Variants in DOCK8 observed in about 807,000 individuals in gnomAD.
DOCK8 encodes the protein dedicator of cytokinesis 8.
In DOCK8, 141 loss-of-function variants were observed where a neutral mutation model predicts 245.6. That is an observed-to-expected ratio of 0.57 (90% confidence interval 0.50 to 0.66). DOCK8 has a LOEUF of 0.66. DOCK8 is among the 30% of genes least tolerant of loss of function. The pLI is 0.00. For missense variants in DOCK8, 2,965 were observed against 2,603.4 expected, an observed-to-expected ratio of 1.14 and a Z score of -3.02; for synonymous variants, 1,168 against 970.2, an observed-to-expected ratio of 1.20 and a Z score of -3.79.
intron 26 of DOCK8, among the ~76,000 whole-genome samples, 188 bp from the exon 27 acceptor site, chr9:404,730 A>C (rs539137159): frequency 6.6e-5 from 10 of 152,234 alleles, no homozygotes; most frequent in Non-Finnish European, 1.0e-4. Context: ...ACTAAGGGGA[A>C]CAGTAATGAA....
intron 1 of DOCK8, chr9:268,330 A>G (rs1180687537): frequency 2.0e-5 from 3 of 152,238 alleles, no homozygotes; most frequent in Non-Finnish European, 2.9e-5. Context: ...CAAAGAGTCA[A>G]GAAAGAAGAT....
chr9:212,154 T>C (rs188144940), upstream of DOCK8, among the ~76,000 whole-genome samples: 23 of 152,282 alleles, frequency 1.5e-4, no homozygotes, highest in East Asian at 4.0e-3. Context: ...ATGGTTGCTA[T>C]GAATTAATTT....
intron 1 of DOCK8, among the ~76,000 whole-genome samples, chr9:239,904 T>C (rs2131407819): frequency 6.6e-6 from 1 of 152,342 alleles, no homozygotes; most frequent in East Asian, 1.9e-4. Flanking sequence ...CATTCCATTG[T>C]AAGGATACAG....
intron 1 of DOCK8, among the ~76,000 whole-genome samples, chr9:261,606 A>T (rs558900373): frequency 8.7e-4 from 133 of 152,208 alleles, no homozygotes; most frequent in Non-Finnish European, 1.3e-3. Flanking sequence ...TTTTCTGTAT[A>T]TGTCAATTAG....
chr9:301,181 T>G (rs1009907499), intron 4 of DOCK8, among the ~76,000 whole-genome samples: 29 of 152,250 alleles, frequency 1.9e-4, no homozygotes, highest in African/African-American at 6.3e-4. Context: ...GCGAGGTTGG[T>G]TCACCATACA....
chr9:397,214 T>G (rs2054502803), intron 25 of DOCK8, among the ~76,000 whole-genome samples: 1 of 151,104 alleles, frequency 6.6e-6, no homozygotes, highest in African/African-American at 2.4e-5. Flanking sequence ...TAGCTGAGCA[T>G]GGTTGTGCAT....
intron 41 of DOCK8, 24 bp downstream of exon 41, chr9:441,441 G>A (rs767680039): frequency 1.1e-5 from 18 of 1,614,040 alleles, no homozygotes; most frequent in Middle Eastern, 1.7e-4. Flanking sequence ...CTGGCTGGCA[G>A]GTCTTGTTAC....
chr9:267,372 A>C (rs1264765037), intron 1 of DOCK8, among the ~76,000 whole-genome samples: 1 of 151,962 alleles, frequency 6.6e-6, no homozygotes, highest in African/African-American at 2.4e-5. Flanking sequence ...TACCTGGCTA[A>C]TTTTTGTATT....
At chr9:315,680 T>C (rs2050312694) in intron 6 of DOCK8, among the ~76,000 whole-genome samples, 1 of 152,168 alleles carries the variant, frequency 6.6e-6, no homozygotes, top group South Asian at 2.1e-4. Context: ...AGTGGGTAAA[T>C]AGATGAAACC....
At chr9:393,605 C>A (rs555237625) in intron 24 of DOCK8, among the ~76,000 whole-genome samples, 11 of 152,300 alleles carry the variant, frequency 7.2e-5, no homozygotes, top group African/African-American at 2.6e-4. Context: ...ACTAGGGCTT[C>A]GTTGGCCCAG....
intron 14 of DOCK8, among the ~76,000 whole-genome samples, chr9:342,297 C>CTTTTTTTTTTTTT (rs34071975): frequency 8.0e-6 from 1 of 124,414 alleles, no homozygotes; most frequent in Non-Finnish European, 1.7e-5. Context: ...TTTCTTTTTT[C>CTTTTTTTTTTTTT]TTTTTTTTTT....
chr9:310,493 T>C (rs1323967121), intron 5 of DOCK8, among the ~76,000 whole-genome samples: 2 of 152,236 alleles, frequency 1.3e-5, no homozygotes, highest in East Asian at 3.8e-4. Flanking sequence ...AGTCTCGCTC[T>C]TGTTGCCCAG....
Position 340,203 on chromosome 9 carries a change from T to A in DOCK8, c.1561T>A (p.Cys521Ser), listed in dbSNP as rs373094965. 2 of 1,614,194 alleles carry A rather than the reference T, an allele frequency of 1.2e-6. No individual in the cohort carries two copies. The highest frequency in any genetic ancestry group is 2.7e-5 in the African/African-American group (2 of 75,054). ...EISTAPEIIN[C>S]CLTPEMLPVK... ...TTCTACAGCTCCAGAGATCATCAAT[T>A]GCTGTCTGACTCCTGAAATGCTGCC... Residue 521 changes from cysteine (C) to serine (S), a missense_variant, in exon 14 of 48, where the codon TGC becomes AGC. Coordinates refer to ENST00000432829, the MANE Select transcript of DOCK8 (RefSeq NM_203447.4).
chr9:355,192 C>CTTTTTTTT (rs749045514), intron 14 of DOCK8, among the ~76,000 whole-genome samples: 3 of 121,088 alleles, frequency 2.5e-5, no homozygotes, highest in Non-Finnish European at 5.0e-5. Context: ...TGTTTCTTTT[C>CTTTTTTTT]TTTTTTTTTT....
At chr9:237,893 C>T (rs2047293592) in intron 1 of DOCK8, among the ~76,000 whole-genome samples, 1 of 151,028 alleles carries the variant, frequency 6.6e-6, no homozygotes, top group South Asian at 2.1e-4. Flanking sequence ...ATTTAGAATT[C>T]ATATTTTATT....
upstream of DOCK8, chr9:214,757 C>A (rs532896705): frequency 1.3e-6 from 2 of 1,529,946 alleles, no homozygotes; most frequent in South Asian, 2.4e-5. Flanking sequence ...CCGCTGCCTG[C>A]GCGCCAGGCC....
rs1260632690 is a variant in DOCK8 at position 441,356 on chromosome 9, T to G, written c.5294T>G (p.Phe1765Cys). Reference sequence around the variant, plus strand: ...CCCATCCTAGAAGCGCATCGAGAATTCCGGAAGCTGACACTCACTCACAGC... The same window carrying G: ...CCCATCCTAGAAGCGCATCGAGAATGCCGGAAGCTGACACTCACTCACAGC... ...VIPILEAHREFRKLTLTHSKL... is the reference protein window; with the variant it reads ...VIPILEAHRECRKLTLTHSKL... Residue 1765 changes from phenylalanine (F) to cysteine (C), a missense_variant, in exon 41 of 48, where the codon TTC becomes TGC. Phe to Cys is a radical substitution (Grantham distance 205). This residue lies in a region of DOCK8 where 2,825 missense variants were observed against 2,453.5 expected (regional missense o/e 1.15). Coordinates refer to ENST00000432829, the MANE Select transcript of DOCK8 (RefSeq NM_203447.4). 1 of 1,614,016 alleles carries G rather than the reference T, an allele frequency of 6.2e-7. No individual in the cohort carries two copies. The highest frequency in any genetic ancestry group is 1.7e-5 in the Admixed American group (1 of 60,004).
At chr9:275,514 T>G (rs1302422143) in intron 2 of DOCK8, among the ~76,000 whole-genome samples, 1 of 152,234 alleles carries the variant, frequency 6.6e-6, no homozygotes, top group Admixed American at 6.5e-5. Flanking sequence ...ATCAGTATTT[T>G]AAAGTTCCCT....
chr9:229,600 A>G (rs1371789608), intron 1 of DOCK8, among the ~76,000 whole-genome samples: 1 of 152,170 alleles, frequency 6.6e-6, no homozygotes, highest in Non-Finnish European at 1.5e-5. Flanking sequence ...ATTAAATGAT[A>G]AAGAGTTACC....
Sources: gnomAD v4.1 joint callset for allele counts (sites outside exome capture counted in the v4.1 genomes callset) on GRCh38, gnomAD v4.1.1 for gene constraint, gnomAD v4.1.1 regional missense constraint, MANE v1.5 for transcripts, NCBI Gene and HGNC (gene_info 2026-07-23, HGNC 2026-07-21) for gene names.